PCDH9: variants seen among roughly 807,000 people sequenced by gnomAD.
PCDH9 encodes protocadherin-9.
Under a neutral mutation model 70.6 loss-of-function variants are expected in PCDH9, and 24 were observed. The observed-to-expected ratio is 0.34, with a 90% CI of 0.25 to 0.48. The LOEUF (loss-of-function observed/expected upper bound fraction) is 0.48. Ranked by LOEUF, PCDH9 falls within the 20% of genes least tolerant of loss-of-function variation. The pLI is 0.99. For synonymous variants in PCDH9, 562 were observed against 558.5 expected (o/e 1.01, Z -0.09); for missense variants, 1,281 against 1,503.6 (o/e 0.85, Z 2.45).
At chr13:67,032,554 T>A (rs777673595) in intron 2 of PCDH9, among the ~76,000 whole-genome samples, 3 of 152,196 alleles carry the variant, frequency 2.0e-5, no homozygotes, top group African/African-American at 7.2e-5. Flanking sequence ...AAAATTCTTA[T>A]GGATATTAAC....
intron 4 of PCDH9, among the ~76,000 whole-genome samples, chr13:66,578,892 A>C (rs962949264): frequency 9.2e-5 from 14 of 152,104 alleles, no homozygotes; most frequent in African/African-American, 2.9e-4. Context: ...ATTTCCAGTC[A>C]GTCTTTATGC....
chr13:66,376,723 T>G (rs1026491397), intron 4 of PCDH9, among the ~76,000 whole-genome samples: 7 of 152,120 alleles, frequency 4.6e-5, no homozygotes, highest in African/African-American at 1.7e-4. Context: ...AAATGCTAGA[T>G]CTATGTAGAA....
chr13:66,809,108 C>T (rs913337468), intron 3 of PCDH9, among the ~76,000 whole-genome samples: 3 of 152,116 alleles, frequency 2.0e-5, no homozygotes, highest in East Asian at 1.9e-4. Context: ...CCACCACGCT[C>T]GACTAATTTT....
At chr13:67,202,528 C>G (rs775047021) in intron 2 of PCDH9, 2 of 152,094 alleles carry the variant, frequency 1.3e-5, no homozygotes, top group African/African-American at 2.4e-5. Context: ...TGGAGCAGCA[C>G]CACATGTCAA....
chr13:66,884,497 T>C (rs1285960665), intron 3 of PCDH9, among the ~76,000 whole-genome samples: 1 of 152,132 alleles, frequency 6.6e-6, no homozygotes, highest in Non-Finnish European at 1.5e-5. Context: ...TAGACGTATG[T>C]TGAGAGACTG....
intron 3 of PCDH9, among the ~76,000 whole-genome samples, chr13:66,676,361 A>G (rs2078242485): frequency 6.6e-6 from 1 of 151,838 alleles, no homozygotes; most frequent in African/African-American, 2.4e-5. Context: ...GGAATTTAGT[A>G]ACAAAATTCT....
At chr13:66,959,037 G>C (rs1452328131) in intron 2 of PCDH9, among the ~76,000 whole-genome samples, 1 of 152,018 alleles carries the variant, frequency 6.6e-6, no homozygotes. Flanking sequence ...AAATATTTCA[G>C]TTTGTAACAA....
chr13:66,648,928 A>G (rs1043737072), intron 3 of PCDH9, among the ~76,000 whole-genome samples: 1 of 152,048 alleles, frequency 6.6e-6, no homozygotes, highest in African/African-American at 2.4e-5. Flanking sequence ...ATACTAAACA[A>G]TGTGTCAGAG....
intron 2 of PCDH9, among the ~76,000 whole-genome samples, chr13:67,193,712 T>G (rs2088982894): frequency 6.6e-6 from 1 of 152,108 alleles, no homozygotes; most frequent in African/African-American, 2.4e-5. Context: ...TACTTACAAG[T>G]AATATTTAAA....
chr13:67,031,490 A>C (rs2084905708), intron 2 of PCDH9, among the ~76,000 whole-genome samples: 2 of 152,132 alleles, frequency 1.3e-5, no homozygotes, highest in Non-Finnish European at 2.9e-5. Context: ...GGGTCACTTG[A>C]GGTCTGGAGT....
At chr13:67,031,948 A>T (rs1375065331) in intron 2 of PCDH9, among the ~76,000 whole-genome samples, 1 of 152,276 alleles carries the variant, frequency 6.6e-6, no homozygotes, top group Non-Finnish European at 1.5e-5. Context: ...TACCAATGGT[A>T]AATTAAGAAA....
chr13:66,606,400 T>G (rs2077223172), intron 4 of PCDH9, among the ~76,000 whole-genome samples: 1 of 152,068 alleles, frequency 6.6e-6, no homozygotes, highest in African/African-American at 2.4e-5. Context: ...GAGAAGCTCA[T>G]AGGTAGATTA....
At chr13:66,609,302 T>C (rs1011100333) in intron 4 of PCDH9, among the ~76,000 whole-genome samples, 10 of 152,164 alleles carry the variant, frequency 6.6e-5, no homozygotes, top group Non-Finnish European at 1.5e-4. Flanking sequence ...ATCAACAGCA[T>C]TTTAATACAA....
At chr13:66,642,823 A>G (rs1033501869) in intron 3 of PCDH9, among the ~76,000 whole-genome samples, 1 of 152,002 alleles carries the variant, frequency 6.6e-6, no homozygotes, top group Non-Finnish European at 1.5e-5. Context: ...TTGAGAAATC[A>G]CAATATTAAG....
intron 2 of PCDH9, among the ~76,000 whole-genome samples, chr13:66,986,363 A>C (rs2083892265): frequency 6.6e-6 from 1 of 151,974 alleles, no homozygotes; most frequent in African/African-American, 2.4e-5. Context: ...CCATATCATA[A>C]AGTCTCTTCA....
chr13:67,130,890 G>A (rs1455142211), intron 2 of PCDH9, among the ~76,000 whole-genome samples: 1 of 151,962 alleles, frequency 6.6e-6, no homozygotes, highest in East Asian at 1.9e-4. Context: ...ATTTGCCGTT[G>A]AGCCCCCCTC....
At chr13:67,049,889 C>T (rs2085291170) in intron 2 of PCDH9, among the ~76,000 whole-genome samples, 1 of 152,162 alleles carries the variant, frequency 6.6e-6, no homozygotes, top group Admixed American at 6.6e-5. Context: ...TGCAGATAGA[C>T]AACAAGACAA....
intron 4 of PCDH9, among the ~76,000 whole-genome samples, chr13:66,523,886 A>G (rs191876893): frequency 1.8e-4 from 27 of 152,214 alleles, no homozygotes; most frequent in Admixed American, 1.8e-3. Context: ...AAAATAATTT[A>G]TATAACAGAT....
At chr13:66,478,461 A>G (rs1958773474) in intron 4 of PCDH9, among the ~76,000 whole-genome samples, 1 of 152,240 alleles carries the variant, frequency 6.6e-6, no homozygotes, top group Non-Finnish European at 1.5e-5. Flanking sequence ...GCAGGTAAAA[A>G]GCTAGGCCTC....
Sources: allele counts gnomAD v4.1 joint callset (sites outside exome capture counted in the v4.1 genomes callset), GRCh38; gene constraint gnomAD v4.1.1; transcripts MANE v1.5; gene names NCBI Gene and HGNC (gene_info 2026-07-23, HGNC 2026-07-21).